Variants in HS3ST3A1 observed in about 807,000 individuals in gnomAD.
HS3ST3A1 encodes the protein heparan sulfate-glucosamine 3-sulfotransferase 3A1, also known as heparan sulfate glucosamine 3-O-sulfotransferase 3A1.
A neutral mutation model predicts 25.7 loss-of-function variants in HS3ST3A1; 19 were observed. That is an observed-to-expected ratio of 0.74 (90% CI 0.52 to 1.08). HS3ST3A1 has a LOEUF of 1.08. HS3ST3A1 is among the 50% of genes least tolerant of loss of function. The pLI, the probability that HS3ST3A1 is intolerant of heterozygous loss-of-function variation, is 0.00. For synonymous variants in HS3ST3A1, 226 were observed against 278.6 expected (o/e 0.81, Z 1.88); for missense variants, 459 against 594.3 (o/e 0.77, Z 2.37).
chr17:13,521,271 G>C (rs532432438), intron 1 of HS3ST3A1, among the ~76,000 whole-genome samples: 41 of 152,350 alleles, frequency 2.7e-4, no homozygotes, highest in African/African-American at 9.4e-4. Flanking sequence ...CCCTGCCCCA[G>C]TAGGCAGGAT....
chr17:13,502,420 C>G (rs1355464172), intron 1 of HS3ST3A1, among the ~76,000 whole-genome samples: 1 of 152,148 alleles, frequency 6.6e-6, no homozygotes, highest in Non-Finnish European at 1.5e-5. Flanking sequence ...ATCAGGGAAC[C>G]ACCTGGGAGA....
At chr17:13,504,181 C>T (rs7214526) in intron 1 of HS3ST3A1, among the ~76,000 whole-genome samples, 2,271 of 152,112 alleles carry the variant, frequency 0.015, 51 homozygotes, top group African/African-American at 0.052. Context: ...GGTGTGGTGG[C>T]GGGCACCTGT....
rs1013190360 is a variant in HS3ST3A1 at position 13,496,420 on chromosome 17, T to A, written c.998A>T (p.Lys333Met). ...LGRVQDFLGLKRIITDKHFYF... is the reference protein window; with the variant it reads ...LGRVQDFLGLMRIITDKHFYF... ...GAAGTGCTTGTCCGTGATGATCCTC[T>A]TGAGGCCCAGGAAGTCTTGCACGCG... The change falls in exon 2 of 2, where the codon AAG (lysine) becomes ATG (methionine). Residue 333 changes from lysine (K) to methionine (M), a missense_variant. Transcript: ENST00000284110. 1.0e-5 allele frequency: 14 copies of A among 1,358,230 alleles called. No homozygotes were observed. The highest frequency in any genetic ancestry group is 2.1e-5 in the Admixed American group (1 of 46,536). 84.1% of individuals were successfully genotyped at this position (1,358,230 alleles called of 1,614,324 possible).
intron 1 of HS3ST3A1, among the ~76,000 whole-genome samples, chr17:13,500,349 T>C (rs568221824): frequency 1.1e-3 from 175 of 152,324 alleles, no homozygotes; most frequent in African/African-American, 4.1e-3. Context: ...TGGCAAAACC[T>C]ACAATTACTT....
chr17:13,542,906 TAATC>T (rs1416329216), intron 1 of HS3ST3A1, among the ~76,000 whole-genome samples: 1 of 152,046 alleles, frequency 6.6e-6, no homozygotes, highest in Admixed American at 6.6e-5. Flanking sequence ...GCCAGTGGTT[TAATC>T]AATCATGCCT....
At position 13,583,381 on chromosome 17, in the gene HS3ST3A1, AT is replaced by A. The variant is rs528585579; in HGVS notation, c.599+17149del. Among the ~76,000 whole-genome samples the A allele has an allele frequency of 3.4e-4, 52 of 152,210 alleles. 1 individual carries two copies. Among genetic ancestry groups the A allele is most frequent in the African/African-American group, 1.2e-3 (50 of 41,528 alleles). ...CTGGTCATGCAATGAAATATTCTAA[AT>A]TTTGTTACATATATGCAGAGAGTCA... On this transcript the variant is annotated intron_variant, in intron 1 of 1. Coordinates refer to ENST00000284110, the MANE Select transcript of HS3ST3A1 (RefSeq NM_006042.3).
intron 1 of HS3ST3A1, among the ~76,000 whole-genome samples, chr17:13,524,830 T>A (rs1939899846): frequency 6.6e-6 from 1 of 152,196 alleles, no homozygotes; most frequent in Non-Finnish European, 1.5e-5. Flanking sequence ...AAAGTAAAAG[T>A]AAATTTTAAA....
At position 13,560,289 on chromosome 17, in the gene HS3ST3A1, CAAAAAA is replaced by C. The variant is rs10632927; in HGVS notation, c.599+40236_599+40241del. Among the ~76,000 whole-genome samples, 128 of 17,364 alleles carry C rather than the reference CAAAAAA, an allele frequency of 7.4e-3. 4 individuals carry two copies. The highest frequency in any genetic ancestry group is 0.01 in the South Asian group (3 of 292). 11.4% of individuals were successfully genotyped at this position (17,364 alleles called of 152,430 possible). ...TGGGCAACAGAGGGACACTCGTCTC[CAAAAAA>C]AAAAAAAAAAAAAAAAAAAAAAAAG... On this transcript the variant is annotated intron_variant, in intron 1 of 1. Transcript: ENST00000284110.
At chr17:13,583,355 T>C (rs1567629673) in intron 1 of HS3ST3A1, among the ~76,000 whole-genome samples, 1 of 152,228 alleles carries the variant, frequency 6.6e-6, no homozygotes, top group African/African-American at 2.4e-5. Context: ...GTGTGGAGTT[T>C]CTGGTCATGC....
chr17:13,578,955 A>G (rs1908026619), intron 1 of HS3ST3A1, among the ~76,000 whole-genome samples: 1 of 152,214 alleles, frequency 6.6e-6, no homozygotes, highest in Admixed American at 6.5e-5. Flanking sequence ...ACATGCAGCT[A>G]CCTAGGAAAA....
intron 1 of HS3ST3A1, among the ~76,000 whole-genome samples, chr17:13,573,380 G>A (rs1027931821): frequency 6.6e-6 from 1 of 152,046 alleles, no homozygotes; most frequent in African/African-American, 2.4e-5. Flanking sequence ...CTCATGGAAG[G>A]TTCCACCTAG....
intron 1 of HS3ST3A1, among the ~76,000 whole-genome samples, chr17:13,526,512 ATATT>A: frequency 7.9e-6 from 1 of 126,752 alleles, no homozygotes; most frequent in Non-Finnish European, 1.7e-5. Context: ...ATATATATAT[ATATT>A]ATTGGGTTGG....
At chr17:13,501,428 T>C (rs1169180054) in intron 1 of HS3ST3A1, among the ~76,000 whole-genome samples, 2 of 152,066 alleles carry the variant, frequency 1.3e-5, no homozygotes, top group Admixed American at 6.6e-5. Context: ...GTGGCATTGA[T>C]AGAAATTAGT....
At chr17:13,530,210 T>C (rs1365747812) in intron 1 of HS3ST3A1, among the ~76,000 whole-genome samples, 1 of 152,202 alleles carries the variant, frequency 6.6e-6, no homozygotes, top group Non-Finnish European at 1.5e-5. Flanking sequence ...GTTCTTATTT[T>C]TAGCTTTGAA....
chr17:13,542,819 T>C (rs902910750), intron 1 of HS3ST3A1, among the ~76,000 whole-genome samples: 4 of 152,036 alleles, frequency 2.6e-5, no homozygotes, highest in African/African-American at 9.7e-5. Flanking sequence ...GGGTTGAAAC[T>C]TTCAGCTCCC....
chr17:13,593,233 CAAAAAA>C lies in HS3ST3A1; in HGVS notation c.599+7292_599+7297del, dbSNP rs5819419. On this transcript the variant is annotated intron_variant, in intron 1 of 1. Transcript: ENST00000284110. ...CACCTGTTCCTTCTATGTTTGTAGC[CAAAAAA>C]AAAAAAAAAAAAAAGTCATACGCCC... is the stretch of plus-strand genomic sequence containing the variant. 4.1e-3 allele frequency among the ~76,000 whole-genome samples: 421 copies of C among 103,172 alleles called. 6 individuals carry two copies. The highest frequency in any genetic ancestry group is 0.015 in the African/African-American group (412 of 28,146). The allele number at this position is 103,172 out of a possible 152,430, so 67.7% of individuals were successfully genotyped here.
At chr17:13,570,246 C>T (rs965317352) in intron 1 of HS3ST3A1, among the ~76,000 whole-genome samples, 18 of 146,896 alleles carry the variant, frequency 1.2e-4, no homozygotes, top group Non-Finnish European at 7.4e-5. Flanking sequence ...GAAGGACCTT[C>T]TCCATGCTAT....
Position 13,601,234 on chromosome 17 carries a change from C to T in HS3ST3A1, c.-105G>A. The T allele has an allele frequency of 1.2e-6, 1 of 822,380 alleles. No homozygotes were observed. The highest frequency in any genetic ancestry group is 1.8e-6 in the Non-Finnish European group (1 of 566,592). 50.9% of individuals were successfully genotyped at this position (822,380 alleles called of 1,614,324 possible). A position where few individuals can be genotyped will look rare whatever the true frequency, so the allele number is the denominator to read the frequency against. On this transcript the variant is annotated 5_prime_UTR_variant, in exon 1 of 2. The change creates a new upstream start codon in the 5' untranslated region. Coordinates refer to ENST00000284110, the MANE Select transcript of HS3ST3A1 (RefSeq NM_006042.3). ...GGGCCAGCGCGCTGGACGGAGGCCA[C>T]ATCGCCGTGCGCCCCTGTGGCCGTG...
intron 1 of HS3ST3A1, among the ~76,000 whole-genome samples, chr17:13,573,029 A>G (rs3785693): frequency 0.24 from 36,634 of 152,030 alleles, 4,772 homozygotes; most frequent in South Asian, 0.35. Flanking sequence ...CAACTCCACT[A>G]AAGTTTTTCC....
Sources: gnomAD v4.1 joint callset for allele counts (sites outside exome capture counted in the v4.1 genomes callset) on GRCh38, gnomAD v4.1.1 for gene constraint, MANE v1.5 for transcripts, NCBI Gene and HGNC (gene_info 2026-07-23, HGNC 2026-07-21) for gene names.